Variants in HHIPL1 observed in about 807,000 individuals in gnomAD.
The protein encoded by HHIPL1 is HHIP-like protein 1.
Under a neutral mutation model 61.8 loss-of-function variants are expected in HHIPL1, and 43 were observed. That is an observed-to-expected ratio of 0.70 (90% CI 0.55 to 0.90). HHIPL1 has a LOEUF of 0.90. HHIPL1 is among the 40% of genes least tolerant of loss of function. HHIPL1 has a pLI of 0.00. For synonymous variants in HHIPL1, 482 were observed against 515.8 expected (o/e 0.93, Z 0.89); for missense variants, 1,056 against 1,157.7 (o/e 0.91, Z 1.28).
the HHIPL1 span, among the ~76,000 whole-genome samples, chr14:99,605,367 G>A: frequency 7.3e-6 from 1 of 137,384 alleles, no homozygotes; most frequent in Non-Finnish European, 1.6e-5. Flanking sequence ...TCTACCGCCA[G>A]CAGGCGGGGC....
intron 3 of HHIPL1, among the ~76,000 whole-genome samples, chr14:99,658,903 T>C (rs1320991913): frequency 1.3e-5 from 2 of 152,214 alleles, no homozygotes; most frequent in East Asian, 3.9e-4. Flanking sequence ...TCATTTTTTC[T>C]AGTGGAATTT....
rs561670627 is a variant in HHIPL1 at position 99,656,882 on chromosome 14, AGG to A, written c.903-117_903-116del. On this transcript the variant is annotated intron_variant, in intron 2 of 8. Coordinates refer to ENST00000330710, the MANE Select transcript of HHIPL1 (RefSeq NM_001127258.3). ...AAGGAAGGAAGGAAGGAAGGAAGGA[AGG>A]AAGGAAGGAAGGTCTTTTCCATTGT... 28 of 177,262 alleles carry A rather than the reference AGG, an allele frequency of 1.6e-4. 8 individuals are homozygous for A. The highest frequency in any genetic ancestry group is 5.6e-4 in the Admixed American group (4 of 7,126). 11.0% of individuals were successfully genotyped at this position (177,262 alleles called of 1,614,324 possible).
the HHIPL1 span, among the ~76,000 whole-genome samples, chr14:99,625,910 TC>T: frequency 6.6e-6 from 1 of 152,070 alleles, no homozygotes; most frequent in African/African-American, 2.4e-5. Flanking sequence ...TTGGCAAGAC[TC>T]CCCACAAGTT....
At chr14:99,642,065 G>A (rs112215693), upstream of HHIPL1, among the ~76,000 whole-genome samples, 22 of 150,442 alleles carry the variant, frequency 1.5e-4, no homozygotes, top group Non-Finnish European at 2.7e-4. Context: ...TCAGCCTCCC[G>A]AGTAGCTGGG....
rs746038836 is a variant in HHIPL1, at chr14:99,677,903, G to C, written c.*2277G>C. ...CAGGCCCCAAACCAGGCCTGGGCTAGGCTGCAGCCTGCCTCCTGGGGACTC... is the reference window on the plus strand; with the variant it reads ...CAGGCCCCAAACCAGGCCTGGGCTACGCTGCAGCCTGCCTCCTGGGGACTC... On this transcript the variant is annotated 3_prime_UTR_variant, in exon 9 of 9. Coordinates refer to ENST00000330710, the MANE Select transcript of HHIPL1 (RefSeq NM_001127258.3). The surrounding 1 kb of genome is among the most constrained non-coding windows in gnomAD (Gnocchi z 4.3). 3.3e-5 allele frequency: 5 copies of C among 152,216 alleles called. No individual in the cohort carries two copies. Among genetic ancestry groups the C allele is most frequent in the Non-Finnish European group, 7.3e-5 (5 of 68,044 alleles). 9.4% of individuals were successfully genotyped at this position (152,216 alleles called of 1,614,324 possible). A position where few individuals can be genotyped will look rare whatever the true frequency, so the allele number is the denominator to read the frequency against.
chr14:99,659,896 T>G, intron 4 of HHIPL1, 140 bp downstream of exon 4: 3 of 618,050 alleles, frequency 4.9e-6, no homozygotes, highest in Non-Finnish European at 5.0e-6. Flanking sequence ...TCGGCCCCAC[T>G]CTATGGGCTG....
chr14:99,626,482 C>G, the HHIPL1 span, among the ~76,000 whole-genome samples: 1 of 152,152 alleles, frequency 6.6e-6, no homozygotes, highest in African/African-American at 2.4e-5. Context: ...CCAGCTACCT[C>G]CACTCTGGGC....
In HHIPL1 at chr14:99,652,468, T is replaced by G; in HGVS notation, c.500T>G (p.Leu167Arg). 1 of 1,614,030 alleles carries G rather than the reference T, an allele frequency of 6.2e-7. No homozygotes were observed. Among genetic ancestry groups the G allele is most frequent in the Non-Finnish European group, 8.5e-7 (1 of 1,180,022 alleles). ...CFPYLLVNKNLNSNLGHVVAD... is the reference protein window; with the variant it reads ...CFPYLLVNKNRNSNLGHVVAD... ...CCTTACCTGCTGGTCAACAAGAACC[T>G]CAACTCAAACCTGGGCCACGTGGTA... Residue 167 changes from leucine (L) to arginine (R), a missense_variant, in exon 2 of 9, where the codon CTC becomes CGC. Physicochemically the swap from Leu to Arg is moderately radical, Grantham distance 102. Transcript: ENST00000330710.
intron 5 of HHIPL1, among the ~76,000 whole-genome samples, chr14:99,662,579 G>C: frequency 6.6e-6 from 1 of 152,186 alleles, no homozygotes; most frequent in South Asian, 2.1e-4. Context: ...GTCACAGAGG[G>C]CCCGGTACCC....
intron 6 of HHIPL1, among the ~76,000 whole-genome samples, chr14:99,665,245 G>A (rs746776051): frequency 3.3e-5 from 5 of 152,162 alleles, no homozygotes; most frequent in Admixed American, 1.3e-4. Flanking sequence ...GTGCAGCAGA[G>A]TATGGACAGC....
the HHIPL1 span, among the ~76,000 whole-genome samples, chr14:99,606,753 G>A: frequency 5.3e-5 from 8 of 152,300 alleles, 1 homozygote; most frequent in African/African-American, 1.9e-4. Flanking sequence ...ACAAAGACAA[G>A]GTGCTAGTGG....
Position 99,668,967 on chromosome 14 carries a change from C to CA in HHIPL1, c.1730+665dup. 1.9e-6 allele frequency: 3 copies of CA among 1,588,596 alleles called. No individual in the cohort carries two copies. The South Asian group carries it at 3.4e-5, about 18-fold the overall frequency. ...AAGTCATGGGCCTGGGGCCCAGGGC[C>CA]AGGGTGGGGCCCAGGCCACTGGCTC... On this transcript the variant is annotated intron_variant, in intron 7 of 8. Coordinates refer to ENST00000330710, the MANE Select transcript of HHIPL1 (RefSeq NM_001127258.3). This position sits in a 1 kb window ranked among gnomAD's most constrained non-coding sequence, Gnocchi z 4.7.
Position 99,645,411 on chromosome 14 carries a change from C to T in HHIPL1, c.204C>T (p.Asp68=). The change falls in exon 1 of 9, where the codon GAC becomes GAT. Residue 68 remains aspartate (D), a synonymous_variant. Transcript: ENST00000330710. ...RRFWALASRV[D]AAEWAACAGY... ...TCTGGGCCCTGGCGAGCCGCGTGGA[C>T]GCCGCCGAGTGGGCCGCGTGCGCCG... The T allele has an allele frequency of 1.4e-6, 2 of 1,403,830 alleles. No individual in the cohort carries two copies. Among genetic ancestry groups the T allele is most frequent in the South Asian group, 1.5e-5 (1 of 65,170 alleles). The allele number at this position is 1,403,830 out of a possible 1,614,324, so 87.0% of individuals were successfully genotyped here.
chr14:99,674,218 T>G (rs554294484), intron 8 of HHIPL1, among the ~76,000 whole-genome samples: 1 of 152,016 alleles, frequency 6.6e-6, no homozygotes, highest in Non-Finnish European at 1.5e-5. Flanking sequence ...ATCCTCCCCA[T>G]AGTAATTGAA....
chr14:99,637,048 A>AG, the HHIPL1 span, among the ~76,000 whole-genome samples: 58 of 89,754 alleles, frequency 6.5e-4, no homozygotes, highest in East Asian at 5.8e-3. Flanking sequence ...AGAAAGAAAG[A>AG]AGGAAGGAAG....
At chr14:99,663,846 G>A (rs956655633) in intron 6 of HHIPL1, among the ~76,000 whole-genome samples, 5 of 152,200 alleles carry the variant, frequency 3.3e-5, no homozygotes, top group South Asian at 2.1e-4. Flanking sequence ...CGTCCATGCC[G>A]GTTAGCCGGC....
rs1465477009 is a variant in HHIPL1, at chr14:99,668,726, T to C, written c.1730+423T>C. 4.7e-6 allele frequency: 5 copies of C among 1,069,632 alleles called. No individual in the cohort carries two copies. The highest frequency in any genetic ancestry group is 6.5e-6 in the Non-Finnish European group (5 of 772,572). The allele number at this position is 1,069,632 out of a possible 1,614,324, so 66.3% of individuals were successfully genotyped here. ...CTCCCAGATGACACCCTGATCCCTG[T>C]GTGTCCCCGCCCCGTGCCTGCCCTT... On this transcript the variant is annotated intron_variant, in intron 7 of 8. Transcript: ENST00000330710. This position sits in a 1 kb window ranked among gnomAD's most constrained non-coding sequence, Gnocchi z 4.7.
At chr14:99,612,024 C>T in the HHIPL1 span, among the ~76,000 whole-genome samples, 4 of 152,296 alleles carry the variant, frequency 2.6e-5, no homozygotes, top group South Asian at 8.3e-4. Flanking sequence ...CCTGCTTTGT[C>T]TTTCTTGAGG....
In HHIPL1 at chr14:99,660,268, C is replaced by G; in HGVS notation, c.1376-12C>G. ...CTGGCTCACCGAAGCTTCTCTCCCT[C>G]CCACCCCGCAGATGACTTGCTGCCG... On this transcript the variant is annotated splice_polypyrimidine_tract_variant and intron_variant, in intron 4 of 8. Transcript: ENST00000330710. The surrounding 1 kb of genome is among the most constrained non-coding windows in gnomAD (Gnocchi z 4.9). 6.2e-7 allele frequency: 1 copy of G among 1,613,994 alleles called. No individual in the cohort carries two copies. The highest frequency in any genetic ancestry group is 8.5e-7 in the Non-Finnish European group (1 of 1,179,978).
Sources: gnomAD v4.1 joint callset for allele counts (sites outside exome capture counted in the v4.1 genomes callset) on GRCh38, gnomAD v4.1.1 for gene constraint, Gnocchi (gnomAD v3.1) non-coding constraint, MANE v1.5 for transcripts, NCBI Gene and HGNC (gene_info 2026-07-23, HGNC 2026-07-21) for gene names.